DMD: variants seen among roughly 807,000 people sequenced by gnomAD.
DMD encodes mutant dystrophin.
A neutral mutation model predicts 330.1 loss-of-function variants in DMD; 63 were observed. That is an observed-to-expected ratio of 0.19 (90% CI 0.16 to 0.24). The LOEUF (loss-of-function observed/expected upper bound fraction) is 0.24, where lower values mean the gene tolerates loss of function less well. Among genes scored for constraint, DMD ranks in the 10% least tolerant of loss-of-function variants. DMD has a pLI of 1.00. For synonymous variants in DMD, 1,223 were observed against 959.8 expected (o/e 1.27, Z -5.07); for missense variants, 3,344 against 2,684.1 (o/e 1.25, Z -5.43).
chrX:31,692,309 A>C (rs920392618), intron 52 of DMD, among the ~76,000 whole-genome samples: 24 of 111,286 alleles, frequency 2.2e-4, no homozygotes, highest in Non-Finnish European at 3.0e-4. Flanking sequence ...CCTACATCAA[A>C]AAAGAAGAAA....
rs181193114 is a variant in DMD, at chrX:33,117,472, C to T, written c.31+93810G>A. The stretch of plus-strand genomic sequence containing the variant: ...ATGTATCAAATCATCATATTGTACA[C>T]CTTGAATATACCCAATCGCCATTTG... On this transcript the variant is annotated intron_variant, in intron 1 of 78. Transcript: ENST00000357033. 3.4e-3 allele frequency among the ~76,000 whole-genome samples: 378 copies of T among 111,532 alleles called. 11 individuals carry two copies. Among genetic ancestry groups the T allele is most frequent in the Non-Finnish European group, 3.9e-3 (205 of 53,113 alleles).
intron 54 of DMD, among the ~76,000 whole-genome samples, chrX:31,630,502 T>C (rs776037630): frequency 4.5e-5 from 5 of 111,262 alleles, no homozygotes; most frequent in Non-Finnish European, 5.6e-5. Flanking sequence ...TCTATGTGTG[T>C]GTACGTTGAA....
At chrX:32,298,989 A>T (rs1021234448) in intron 42 of DMD, among the ~76,000 whole-genome samples, 1 of 111,322 alleles carries the variant, frequency 9.0e-6, no homozygotes, top group Admixed American at 9.5e-5. Flanking sequence ...TGGTGGGATT[A>T]TATACACCTT....
Position 32,728,238 on chromosome X carries a change from A to T in DMD, c.650-28945T>A, listed in dbSNP as rs146975142. Among the ~76,000 whole-genome samples the T allele has an allele frequency of 6.6e-3, 740 of 111,794 alleles. 3 individuals are homozygous for T. Among genetic ancestry groups the T allele is most frequent in the Non-Finnish European group, 0.011 (575 of 53,081 alleles). ...AACTGCTTTCAAATTTCTTGTTAGGAAGCTTGCCAGACACTCCAGAGTAAC... is the reference window on the plus strand; with the variant it reads ...AACTGCTTTCAAATTTCTTGTTAGGTAGCTTGCCAGACACTCCAGAGTAAC... On this transcript the variant is annotated intron_variant, in intron 7 of 78. Transcript: ENST00000357033.
At chrX:33,077,546 A>G (rs971105388) in intron 1 of DMD, among the ~76,000 whole-genome samples, 1 of 111,655 alleles carries the variant, frequency 9.0e-6, no homozygotes, top group Non-Finnish European at 1.9e-5. Context: ...AACGAACTCC[A>G]AGGTGAGAAG....
At chrX:32,173,188 A>G (rs1327918355) in intron 44 of DMD, among the ~76,000 whole-genome samples, 1 of 107,663 alleles carries the variant, frequency 9.3e-6, no homozygotes, top group Non-Finnish European at 1.9e-5. Flanking sequence ...TTGACGTGAC[A>G]AAGAGGTCGT....
chrX:33,077,171 A>T (rs762460888), intron 1 of DMD, among the ~76,000 whole-genome samples: 2 of 110,586 alleles, frequency 1.8e-5, no homozygotes, highest in East Asian at 5.7e-4. Context: ...CAGCTGCATG[A>T]CTCCTAAACC....
intron 48 of DMD, among the ~76,000 whole-genome samples, chrX:31,848,982 T>C (rs1301148300): frequency 9.0e-6 from 1 of 110,903 alleles, no homozygotes; most frequent in African/African-American, 3.3e-5. Flanking sequence ...ATATTTCTAA[T>C]TCTACATCAT....
chrX:32,063,187 AACACACACACACAC>A (rs113943502), intron 44 of DMD, among the ~76,000 whole-genome samples: 7 of 100,747 alleles, frequency 6.9e-5, no homozygotes, highest in African/African-American at 2.5e-4. Context: ...AAGTATGTCT[AACACACACACACAC>A]ACACACACAC....
intron 60 of DMD, among the ~76,000 whole-genome samples, chrX:31,365,145 C>T (rs1164348358): frequency 9.5e-6 from 1 of 104,939 alleles, no homozygotes; most frequent in Admixed American, 1.0e-4. Context: ...ACAAGGTTAT[C>T]AATATACACT....
At chrX:32,856,679 CAGG>C (rs1176177636) in intron 2 of DMD, among the ~76,000 whole-genome samples, 1 of 111,349 alleles carries the variant, frequency 9.0e-6, no homozygotes, top group East Asian at 2.8e-4. Context: ...TAGTTGGGGA[CAGG>C]AGGAGTGGGA....
chrX:31,637,725 G>C (rs2079495667), intron 54 of DMD, among the ~76,000 whole-genome samples: 1 of 111,297 alleles, frequency 9.0e-6, no homozygotes, highest in African/African-American at 3.3e-5. Context: ...TTCTTGATGT[G>C]AATTTATTGA....
At chrX:32,959,519 G>A (rs2091786655) in intron 2 of DMD, among the ~76,000 whole-genome samples, 1 of 111,405 alleles carries the variant, frequency 9.0e-6, no homozygotes, top group African/African-American at 3.3e-5. Context: ...ATACTCAATT[G>A]TTTAGTTTTC....
intron 60 of DMD, among the ~76,000 whole-genome samples, chrX:31,416,473 C>T (rs1461683125): frequency 8.9e-6 from 1 of 112,229 alleles, no homozygotes; most frequent in Non-Finnish European, 1.9e-5. Flanking sequence ...GTCTGGTCTC[C>T]AATGGCCTTG....
intron 30 of DMD, among the ~76,000 whole-genome samples, chrX:32,396,605 T>C (rs1297300633): frequency 9.2e-6 from 1 of 108,659 alleles, no homozygotes; most frequent in Middle Eastern, 4.4e-3. Flanking sequence ...GTAGATGTTA[T>C]CCTTTTGCTT....
intron 55 of DMD, among the ~76,000 whole-genome samples, chrX:31,553,051 T>G (rs1312739293): frequency 1.8e-5 from 2 of 111,368 alleles, no homozygotes; most frequent in African/African-American, 6.5e-5. Context: ...GCAGAGGTTT[T>G]TAAGTTGTGA....
chrX:31,839,473 A>G (rs964449211), intron 48 of DMD, among the ~76,000 whole-genome samples: 12 of 112,087 alleles, frequency 1.1e-4, no homozygotes, highest in African/African-American at 3.6e-4. Context: ...TTCATGGCAT[A>G]GACTATTTTC....
intron 11 of DMD, among the ~76,000 whole-genome samples, chrX:32,614,684 C>G (rs1049650366): frequency 9.0e-6 from 1 of 111,328 alleles, no homozygotes; most frequent in Non-Finnish European, 1.9e-5. Context: ...ACATAGTCAA[C>G]TAAATGTGAA....
At chrX:32,190,719 G>C (rs2096971615) in intron 44 of DMD, among the ~76,000 whole-genome samples, 2 of 107,577 alleles carry the variant, frequency 1.9e-5, no homozygotes, top group Admixed American at 2.0e-4. Flanking sequence ...TGACGAGTAG[G>C]TTAGAACATT....
Sources: gnomAD v4.1 joint callset for allele counts (sites outside exome capture counted in the v4.1 genomes callset) on GRCh38, gnomAD v4.1.1 for gene constraint, MANE v1.5 for transcripts, NCBI Gene and HGNC (gene_info 2026-07-23, HGNC 2026-07-21) for gene names.